Variants in CRACR2A observed in about 807,000 individuals in gnomAD.
CRACR2A encodes EF-hand calcium-binding domain-containing protein 4B.
A neutral mutation model predicts 90.5 loss-of-function variants in CRACR2A; 79 were observed. That is an observed-to-expected ratio of 0.87 (90% CI 0.73 to 1.05). The LOEUF is 1.05. CRACR2A is among the 50% of genes least tolerant of loss of function. The pLI is 0.00. For missense variants in CRACR2A, 823 were observed against 897.2 expected, an observed-to-expected ratio of 0.92 and a Z score of 1.06; for synonymous variants, 338 against 356.7, an observed-to-expected ratio of 0.95 and a Z score of 0.59.
At chr12:3,632,076 T>C (rs889713175) in intron 15 of CRACR2A, among the ~76,000 whole-genome samples, 2 of 152,168 alleles carry the variant, frequency 1.3e-5, no homozygotes, top group African/African-American at 4.8e-5. Context: ...ATGAATGGTT[T>C]AGCACCTTCC....
At chr12:3,627,836 T>C in intron 15 of CRACR2A, 130 bp from the exon 16 acceptor site, 2 of 915,916 alleles carry the variant, frequency 2.2e-6, no homozygotes, top group South Asian at 3.0e-5. Flanking sequence ...GTGCAGCTCG[T>C]GGGAGGCAAA....
chr12:3,672,746 G>A, intron 7 of CRACR2A: 1 of 985,430 alleles, frequency 1.0e-6, no homozygotes, highest in South Asian at 4.7e-5. Context: ...TTCTGACTCT[G>A]GTTCAGTTCT....
chr12:3,736,062 G>C (rs1488878874), intron 1 of CRACR2A, among the ~76,000 whole-genome samples: 2 of 152,202 alleles, frequency 1.3e-5, no homozygotes, highest in South Asian at 2.1e-4. Context: ...AAGGTATGGG[G>C]TGAGGCAGGG....
chr12:3,666,857 C>T (rs1945160430), intron 7 of CRACR2A, among the ~76,000 whole-genome samples: 1 of 152,210 alleles, frequency 6.6e-6, no homozygotes, highest in African/African-American at 2.4e-5. Context: ...AGGCTGTAGG[C>T]AGGGGTGTGC....
At chr12:3,625,017 C>G (rs1027448783) in intron 17 of CRACR2A, among the ~76,000 whole-genome samples, 4 of 152,136 alleles carry the variant, frequency 2.6e-5, no homozygotes, top group African/African-American at 9.7e-5. Flanking sequence ...AAAAGCTCCA[C>G]GTGTGATCCT....
intron 3 of CRACR2A, among the ~76,000 whole-genome samples, chr12:3,712,024 T>C (rs925482077): frequency 8.3e-4 from 126 of 152,280 alleles, no homozygotes; most frequent in African/African-American, 2.9e-3. Flanking sequence ...ATAACCCCAC[T>C]TGGTATCTTA....
At chr12:3,653,225 C>A (rs1481392603) in intron 10 of CRACR2A, among the ~76,000 whole-genome samples, 1 of 149,206 alleles carries the variant, frequency 6.7e-6, no homozygotes, top group Non-Finnish European at 1.5e-5. Context: ...TTGTAATCTG[C>A]CCACCTTGGC....
chr12:3,631,886 G>C (rs1209840497), intron 15 of CRACR2A, among the ~76,000 whole-genome samples: 5 of 152,174 alleles, frequency 3.3e-5, no homozygotes, highest in Admixed American at 3.3e-4. Flanking sequence ...TGTAGAACCA[G>C]CTTGTCACAC....
At chr12:3,669,229 T>C (rs1237970167) in intron 7 of CRACR2A, among the ~76,000 whole-genome samples, 2 of 152,044 alleles carry the variant, frequency 1.3e-5, no homozygotes, top group Non-Finnish European at 1.5e-5. Context: ...CATCCCAAAA[T>C]GGTTCTGGTG....
intron 1 of CRACR2A, among the ~76,000 whole-genome samples, chr12:3,735,273 A>G (rs1946432938): frequency 6.6e-6 from 1 of 152,184 alleles, no homozygotes; most frequent in Admixed American, 6.5e-5. Flanking sequence ...CCTGGAAAAG[A>G]GGTGAGTGCA....
intron 10 of CRACR2A, among the ~76,000 whole-genome samples, chr12:3,653,027 A>G (rs1944821865): frequency 2.0e-5 from 3 of 152,080 alleles, no homozygotes; most frequent in Non-Finnish European, 2.9e-5. Context: ...CTGTCACCCA[A>G]GCTGGAGTGC....
intron 1 of CRACR2A, among the ~76,000 whole-genome samples, chr12:3,752,206 C>G (rs1946716570): frequency 6.6e-6 from 1 of 152,196 alleles, no homozygotes; most frequent in Admixed American, 6.5e-5. Context: ...TCCACAGAGC[C>G]AAACAGGGCA....
At chr12:3,623,913 ACACACATTCCTGCT>A (rs1453542722) in intron 17 of CRACR2A, among the ~76,000 whole-genome samples, 1 of 152,176 alleles carries the variant, frequency 6.6e-6, no homozygotes, top group African/African-American at 2.4e-5. Context: ...CTCCTCATCC[ACACACATTCCTGCT>A]CCGTCTTGGC....
intron 6 of CRACR2A, among the ~76,000 whole-genome samples, chr12:3,674,012 C>T (rs1367836138): frequency 6.6e-6 from 1 of 152,184 alleles, no homozygotes; most frequent in Non-Finnish European, 1.5e-5. Flanking sequence ...TGCACAGCAA[C>T]ATGCTCTGGT....
chr12:3,641,307 G>A (rs1944566089), intron 13 of CRACR2A, among the ~76,000 whole-genome samples: 1 of 152,162 alleles, frequency 6.6e-6, no homozygotes. Flanking sequence ...TTGCACCACT[G>A]CACTCCAGCC....
chr12:3,718,712 C>T (rs973924590), intron 2 of CRACR2A, among the ~76,000 whole-genome samples: 2 of 152,174 alleles, frequency 1.3e-5, no homozygotes, highest in African/African-American at 4.8e-5. Flanking sequence ...TTTTTTAAAA[C>T]AATGTGGCCA....
chr12:3,709,188 G>A (rs570556456), intron 3 of CRACR2A, among the ~76,000 whole-genome samples: 62 of 152,252 alleles, frequency 4.1e-4, no homozygotes, highest in Non-Finnish European at 7.5e-4. Flanking sequence ...CTCTCAGAGC[G>A]GTCCCCAAAA....
At chr12:3,664,416 T>C (rs1156523725) in intron 7 of CRACR2A, among the ~76,000 whole-genome samples, 1 of 152,242 alleles carries the variant, frequency 6.6e-6, no homozygotes, top group Non-Finnish European at 1.5e-5. Flanking sequence ...GAAGCAAATT[T>C]GTTAAAGTCT....
chr12:3,675,477 A>G (rs1458671479), intron 6 of CRACR2A, among the ~76,000 whole-genome samples: 1 of 152,196 alleles, frequency 6.6e-6, no homozygotes. Context: ...GAGCCCTCAC[A>G]AATGGGACTA....
Sources: allele counts gnomAD v4.1 joint callset (sites outside exome capture counted in the v4.1 genomes callset), GRCh38; gene constraint gnomAD v4.1.1; transcripts MANE v1.5; gene names NCBI Gene and HGNC (gene_info 2026-07-23, HGNC 2026-07-21).